Variants in ABCA3 observed in about 807,000 individuals in gnomAD.
ABCA3 encodes ATP binding cassette subfamily A member 3.
ABCA3 carries 88 observed loss-of-function variants against 172.8 expected under a neutral mutation model. The ratio of observed to expected loss-of-function variants is 0.51; its 90% CI spans 0.43 to 0.61. The LOEUF (loss-of-function observed/expected upper bound fraction) is 0.61. Among genes scored for constraint, ABCA3 ranks in the 20% least tolerant of loss-of-function variants. The probability of loss-of-function intolerance (pLI) is 0.00; values close to 1 mark genes in which losing one functional copy is unlikely to be tolerated. For synonymous variants in ABCA3, 1,066 were observed against 983.8 expected (o/e 1.08, Z -1.56); for missense variants, 2,164 against 2,301.0 (o/e 0.94, Z 1.22).
At position 2,278,849 on chromosome 16, in the gene ABCA3, T is replaced by C; in HGVS notation, c.4547+94A>G. On this transcript the variant is annotated intron_variant, in intron 29 of 32. Coordinates refer to ENST00000301732, the MANE Select transcript of ABCA3 (RefSeq NM_001089.3). The surrounding 1 kb of genome is among the most constrained non-coding windows in gnomAD (Gnocchi z 4.4). ...ATCCTGGAGCCACAAGCAGGAGCTC[T>C]GGCTGCTGACCTGAGCGGTCACTCC... is the stretch of plus-strand genomic sequence containing the variant. The C allele has an allele frequency of 1.9e-6, 3 of 1,559,966 alleles. No homozygotes were observed. Among genetic ancestry groups the C allele is most frequent in the Non-Finnish European group, 2.6e-6 (3 of 1,140,150 alleles).
At position 2,288,291 on chromosome 16, in the gene ABCA3, C is replaced by A; in HGVS notation, c.2739G>T (p.Leu913=). The stretch of plus-strand genomic sequence containing the variant: ...CGCGCCAGCTGTATGCGGCCTTCTT[C>A]AGGAACATGGCCCAGAATTGCTGGC... ...LHCQQFWAMF[L]KKAAYSWREW... is the part of the protein sequence containing the mutation. The change falls in exon 21 of 33, where the codon CTG becomes CTT. Residue 913 remains leucine, a synonymous_variant. Transcript: ENST00000301732. 6.3e-7 allele frequency: 1 copy of A among 1,576,376 alleles called. No homozygotes were observed. The highest frequency in any genetic ancestry group is 1.8e-5 in the Admixed American group (1 of 55,220).
In ABCA3 at chr16:2,303,955, G is replaced by A. The variant is rs777184987; in HGVS notation, c.1467+14C>T. The A allele has an allele frequency of 3.7e-6, 6 of 1,614,030 alleles. No individual in the cohort carries two copies. In the South Asian group the frequency reaches 5.5e-5, roughly 15 times the overall value. On this transcript the variant is annotated intron_variant, in intron 12 of 32. Transcript: ENST00000301732. Reference sequence around the variant, plus strand: ...AGAGAGGCGGCGGCTCAAGAGCAGGGCATCAGAACTCACCATGATGAAGAA... The same window carrying A: ...AGAGAGGCGGCGGCTCAAGAGCAGGACATCAGAACTCACCATGATGAAGAA...
In ABCA3 at chr16:2,283,361, G is replaced by A. The variant is rs538196543; in HGVS notation, c.3863-3C>T. 6.2e-7 allele frequency: 1 copy of A among 1,612,428 alleles called. No individual in the cohort carries two copies. The highest frequency in any genetic ancestry group is 1.3e-5 in the African/African-American group (1 of 75,026). ...GAAGTTCTCCTGGTACTGGATGTCT[G>A]TGGGGCGAGGGAGTCACTGTGCCCC... On this transcript the variant is annotated splice_region_variant and splice_polypyrimidine_tract_variant and intron_variant, in intron 25 of 32. Transcript: ENST00000301732. The surrounding 1 kb of genome is among the most constrained non-coding windows in gnomAD (Gnocchi z 5.4).
rs922061806 is a variant in ABCA3 at position 2,340,706 on chromosome 16, G to C, written c.-672C>G. ...AGCTGCGTGGCCGCCCTGGAGGGGA[G>C]GGTGCGCCTGCAACCCGCTACTGGC... On this transcript the variant is annotated 5_prime_UTR_variant, in exon 1 of 33. Transcript: ENST00000301732. The C allele has an allele frequency of 6.6e-6, 1 of 150,490 alleles. No individual in the cohort carries two copies. Among genetic ancestry groups the C allele is most frequent in the African/African-American group, 2.4e-5 (1 of 41,268 alleles). 9.3% of individuals were successfully genotyped at this position (150,490 alleles called of 1,614,324 possible).
intron 1 of ABCA3, among the ~76,000 whole-genome samples, chr16:2,337,396 G>C (rs1390486499): frequency 1.3e-5 from 2 of 149,474 alleles, no homozygotes; most frequent in African/African-American, 2.5e-5. Context: ...TTTCATGCAG[G>C]GTCTCACTCT....
chr16:2,332,365 T>C (rs1322148924), intron 1 of ABCA3: 1 of 840,470 alleles, frequency 1.2e-6, no homozygotes, highest in Non-Finnish European at 2.1e-6. Context: ...TCTAAACTTT[T>C]TGGACTCGCA....
chr16:2,303,569 C>T (rs750597013), intron 12 of ABCA3, among the ~76,000 whole-genome samples: 2 of 152,010 alleles, frequency 1.3e-5, no homozygotes, highest in Admixed American at 1.3e-4. Flanking sequence ...CACGCCTGGC[C>T]GAATGTGAAC....
chr16:2,298,574 G>A, intron 14 of ABCA3, 34 bp from the exon 15 acceptor site: 1 of 1,610,198 alleles, frequency 6.2e-7, no homozygotes, highest in Admixed American at 1.7e-5. Context: ...CATTCAGCAT[G>A]AAGATCCTGC....
rs2093661113 is a variant in ABCA3 at position 2,285,256 on chromosome 16, G to A, written c.3483+186C>T. ...CTCCGGGTGCTGCCCATGCATGGAGGGTAAAGGCTGAGGGTGCAGGGAGGA... is the reference window on the plus strand; with the variant it reads ...CTCCGGGTGCTGCCCATGCATGGAGAGTAAAGGCTGAGGGTGCAGGGAGGA... On this transcript the variant is annotated intron_variant, in intron 23 of 32. Coordinates refer to ENST00000301732, the MANE Select transcript of ABCA3 (RefSeq NM_001089.3). The surrounding 1 kb of genome is among the most constrained non-coding windows in gnomAD (Gnocchi z 4.7). 6.6e-6 allele frequency among the ~76,000 whole-genome samples: 1 copy of A among 152,210 alleles called. No individual in the cohort carries two copies.
chr16:2,325,737 G>T (rs542814260), intron 5 of ABCA3, among the ~76,000 whole-genome samples: 25 of 152,308 alleles, frequency 1.6e-4, no homozygotes, highest in Admixed American at 3.3e-4. Context: ...TGCCCCATGG[G>T]TTAAAATGTC....
chr16:2,294,622 CT>C (rs1404834856), intron 18 of ABCA3, among the ~76,000 whole-genome samples: 1 of 152,096 alleles, frequency 6.6e-6, no homozygotes, highest in Non-Finnish European at 1.5e-5. Context: ...GAATTCAAGG[CT>C]GCAGTGAGTT....
intron 6 of ABCA3, among the ~76,000 whole-genome samples, chr16:2,323,941 G>A (rs1024956799): frequency 3.3e-5 from 5 of 152,154 alleles, no homozygotes; most frequent in Admixed American, 2.0e-4. Context: ...AAGTGCCACC[G>A]AGTGTTCAGG....
chr16:2,286,863 C>T lies in ABCA3; in HGVS notation c.3109G>A (p.Val1037Ile). Residue 1037 changes from valine (V) to isoleucine (I), a missense_variant, in exon 22 of 33, where the codon GTC (valine) becomes ATC (isoleucine). Around this residue, in one of 3 missense-constraint regions of ABCA3, gnomAD observed 26 missense variants for 49.5 expected, o/e 0.53. Coordinates refer to ENST00000301732, the MANE Select transcript of ABCA3 (RefSeq NM_001089.3). This position sits in a 1 kb window ranked among gnomAD's most constrained non-coding sequence, Gnocchi z 5.2. ...ASFRDVGERTVVNALFNNQAY... is the reference protein window; with the variant it reads ...ASFRDVGERTIVNALFNNQAY... ...TGGTTGTTGAACAAGGCGTTGACGA[C>T]CGTGCGCTCTCCCACATCTCTGAAG... is the stretch of plus-strand genomic sequence containing the variant. 1 of 1,614,096 alleles carries T rather than the reference C, an allele frequency of 6.2e-7. No individual in the cohort carries two copies. The highest frequency in any genetic ancestry group is 1.7e-5 in the Admixed American group (1 of 60,022).
intron 1 of ABCA3, chr16:2,332,493 G>T: frequency 1.1e-6 from 1 of 925,312 alleles, no homozygotes; most frequent in Non-Finnish European, 1.8e-6. Flanking sequence ...CTTTGGAGAT[G>T]GACTGACGGG....
rs201294755 is a variant in ABCA3 at position 2,319,848 on chromosome 16, C to T, written c.614-8G>A. 1.8e-5 allele frequency: 29 copies of T among 1,613,184 alleles called. No homozygotes were observed. The African/African-American group carries it at 2.1e-4, about 12-fold the overall frequency. On this transcript the variant is annotated splice_region_variant and splice_polypyrimidine_tract_variant and intron_variant, in intron 7 of 32. Coordinates refer to ENST00000301732, the MANE Select transcript of ABCA3 (RefSeq NM_001089.3). ...AGCCTTCCCGGATGTACCCTGGGTG[C>T]GGGAGCAGAGGATGGCCCAGCCACC... is the stretch of plus-strand genomic sequence containing the variant.
chr16:2,297,738 C>A lies in ABCA3; in HGVS notation c.2052+28G>T. On this transcript the variant is annotated intron_variant, in intron 16 of 32. Coordinates refer to ENST00000301732, the MANE Select transcript of ABCA3 (RefSeq NM_001089.3). The surrounding 1 kb of genome is among the most constrained non-coding windows in gnomAD (Gnocchi z 5.6). ...CATCCCAGGTCGAGCAGGAGGGGAA[C>A]CCACTGCCTCCAGTCCCACCGCCAC... 6.2e-7 allele frequency: 1 copy of A among 1,607,302 alleles called. No individual in the cohort carries two copies. The highest frequency in any genetic ancestry group is 8.5e-7 in the Non-Finnish European group (1 of 1,179,966).
chr16:2,325,863 G>A, intron 5 of ABCA3, 147 bp downstream of exon 5: 2 of 1,089,244 alleles, frequency 1.8e-6, no homozygotes, highest in Non-Finnish European at 2.7e-6. Context: ...ACAGGTTGAA[G>A]TAGTGATGCG....
In ABCA3 at chr16:2,307,035, A is replaced by G. The variant is rs1012350887; in HGVS notation, c.1285+1415T>C. Among the ~76,000 whole-genome samples, 30 of 147,950 alleles carry G rather than the reference A, an allele frequency of 2.0e-4. 1 individual carries two copies. The highest frequency in any genetic ancestry group is 2.7e-4 in the African/African-American group (11 of 40,980). ...CCGTCTCAAAAAAAAAAAAAAAAAA[A>G]AAAAGAAAAGAAAAGAAAAAAAGTG... On this transcript the variant is annotated intron_variant, in intron 11 of 32. Transcript: ENST00000301732.
At chr16:2,303,059 A>G (rs2093691984) in intron 12 of ABCA3, among the ~76,000 whole-genome samples, 1 of 151,974 alleles carries the variant, frequency 6.6e-6, no homozygotes, top group African/African-American at 2.4e-5. Flanking sequence ...TTGGCCTCCC[A>G]AAGTGCTGGG....
Sources: allele counts gnomAD v4.1 joint callset (sites outside exome capture counted in the v4.1 genomes callset), GRCh38; gene constraint gnomAD v4.1.1; regional missense constraint gnomAD v4.1.1; non-coding constraint Gnocchi (gnomAD v3.1); transcripts MANE v1.5; gene names NCBI Gene and HGNC (gene_info 2026-07-23, HGNC 2026-07-21).